Variants in COCH observed in about 807,000 individuals in gnomAD.
The protein encoded by COCH is cochlin, also known as coagulation factor C homolog, cochlin (Limulus polyphemus).
A neutral mutation model predicts 54.8 loss-of-function variants in COCH; 40 were observed. The observed-to-expected ratio is 0.73, with a 90% CI of 0.57 to 0.95. The LOEUF (loss-of-function observed/expected upper bound fraction) is 0.95, where lower values mean the gene tolerates loss of function less well. Among genes scored for constraint, COCH ranks in the 40% least tolerant of loss-of-function variants. COCH has a pLI of 0.00. For missense variants in COCH, 605 were observed against 675.0 expected, an observed-to-expected ratio of 0.90 and a Z score of 1.15; for synonymous variants, 256 against 237.9, an observed-to-expected ratio of 1.08 and a Z score of -0.70.
At chr14:30,888,267 TGAGA>T (rs1341494996) in intron 11 of COCH, among the ~76,000 whole-genome samples, 1 of 145,988 alleles carries the variant, frequency 6.8e-6, no homozygotes, top group East Asian at 2.0e-4. Flanking sequence ...AACCAGGGAG[TGAGA>T]GTCAGGAAAA....
intron 8 of COCH, among the ~76,000 whole-genome samples, chr14:30,881,227 A>AG (rs1566409805): frequency 6.6e-6 from 1 of 151,850 alleles, no homozygotes; most frequent in Admixed American, 6.6e-5. Context: ...AAAAAAAAAA[A>AG]AAAGAAAAAA....
Position 30,877,155 on chromosome 14 carries a change from C to A in COCH, c.83-417C>A, listed in dbSNP as rs1895389018. Reference sequence around the variant, plus strand: ...ATTAATATTAAATGACTTTTATTTTCTAGTTCAGATATAGTTCCAATTATG... The same window carrying A: ...ATTAATATTAAATGACTTTTATTTTATAGTTCAGATATAGTTCCAATTATG... On this transcript the variant is annotated intron_variant, in intron 3 of 11. Transcript: ENST00000396618. This position sits in a 1 kb window ranked among gnomAD's most constrained non-coding sequence, Gnocchi z 8.6. Among the ~76,000 whole-genome samples, 6 of 152,078 alleles carry A rather than the reference C, an allele frequency of 3.9e-5. No individual in the cohort carries two copies. The South Asian group carries it at 1.2e-3, about 32-fold the overall frequency.
At chr14:30,891,478 G>T (rs1037551570), downstream of COCH, among the ~76,000 whole-genome samples, 1 of 152,160 alleles carries the variant, frequency 6.6e-6, no homozygotes, top group African/African-American at 2.4e-5. Flanking sequence ...AAACAAACTG[G>T]AATTGACTTT....
At chr14:30,889,033 A>G (rs901026043) in intron 11 of COCH, 3 of 153,358 alleles carry the variant, frequency 2.0e-5, no homozygotes, top group Non-Finnish European at 4.4e-5. Flanking sequence ...TTTTCTGATT[A>G]TTAGACAGTT....
At chr14:30,882,423 C>T (rs552821480) in intron 8 of COCH, among the ~76,000 whole-genome samples, 10 of 152,120 alleles carry the variant, frequency 6.6e-5, no homozygotes, top group Admixed American at 2.0e-4. Flanking sequence ...AGCTACCACG[C>T]CTGGCCCCTT....
chr14:30,884,338 T>C, intron 8 of COCH: 1 of 539,620 alleles, frequency 1.9e-6, no homozygotes, highest in Non-Finnish European at 3.3e-6. Context: ...TTACCCAGAA[T>C]ATAATAAATC....
chr14:30,878,774 T>C (rs753404536), intron 4 of COCH, 37 bp from the exon 5 acceptor site: 3 of 1,613,942 alleles, frequency 1.9e-6, no homozygotes, highest in South Asian at 1.1e-5. Flanking sequence ...CCTGAAAAAG[T>C]GTGGATAGCA....
downstream of COCH, among the ~76,000 whole-genome samples, chr14:30,892,236 G>A (rs1895999643): frequency 1.3e-5 from 2 of 152,078 alleles, no homozygotes. Context: ...TACAACCAAA[G>A]GAGATAGAAC....
At position 30,874,927 on chromosome 14, in the gene COCH, C is replaced by A. The variant is rs1566404645; in HGVS notation, c.-12C>A. ...TCCCTCTCTCCCAGGTGTGAGCAGC[C>A]TATCAGTCACCATGTCCGCAGCCTG... is the stretch of plus-strand genomic sequence containing the variant. On this transcript the variant is annotated 5_prime_UTR_variant, in exon 2 of 12. Transcript: ENST00000396618. 2 of 1,613,596 alleles carry A rather than the reference C, an allele frequency of 1.2e-6. No homozygotes were observed. Among genetic ancestry groups the A allele is most frequent in the Non-Finnish European group, 1.7e-6 (2 of 1,179,834 alleles).
In COCH at chr14:30,877,565, T is replaced by C. The variant is rs1460942573; in HGVS notation, c.83-7T>C. ...AATGCTTACAATATTATCTCCTTTT[T>C]CTTCAGCTCCCATTGCTATCACATG... On this transcript the variant is annotated splice_polypyrimidine_tract_variant and splice_region_variant and intron_variant, in intron 3 of 11. Transcript: ENST00000396618. This position sits in a 1 kb window ranked among gnomAD's most constrained non-coding sequence, Gnocchi z 8.6. 6.2e-7 allele frequency: 1 copy of C among 1,613,974 alleles called. No homozygotes were observed. The highest frequency in any genetic ancestry group is 1.7e-5 in the Admixed American group (1 of 60,014).
Position 30,890,524 on chromosome 14 carries a change from ATAAACATT to A in COCH, c.*738_*745del. ...TTGGTAAAGTATTTACTGACTGCTT[ATAAACATT>A]TAAAGACAAAGACATTTCAAATAAC... On this transcript the variant is annotated 3_prime_UTR_variant, in exon 12 of 12. Transcript: ENST00000396618. The A allele has an allele frequency of 1.1e-6, 1 of 939,414 alleles. No individual in the cohort carries two copies. Among genetic ancestry groups the A allele is most frequent in the Non-Finnish European group, 1.3e-6 (1 of 787,800 alleles). 58.2% of individuals were successfully genotyped at this position (939,414 alleles called of 1,614,324 possible). A position where few individuals can be genotyped will look rare whatever the true frequency, so the allele number is the denominator to read the frequency against.
At position 30,874,958 on chromosome 14, in the gene COCH, C is replaced by T. The variant is rs201427920; in HGVS notation, c.20C>T (p.Pro7Leu). The T allele has an allele frequency of 2.2e-5, 35 of 1,613,502 alleles. No individual in the cohort carries two copies. The East Asian group carries it at 7.6e-4, about 35-fold the overall frequency. MSAAWI[P>L]ALGLGVCLLL... is the part of the protein sequence containing the mutation. ...GTCACCATGTCCGCAGCCTGGATCC[C>T]GGCTCTCGGCCTCGGTGGGTGCGCG... is the stretch of plus-strand genomic sequence containing the variant. Residue 7 changes from proline to leucine, a missense_variant, in exon 2 of 12, where the codon CCG becomes CTG. Physicochemically the swap from Pro to Leu is moderately conservative, Grantham distance 98. Coordinates refer to ENST00000396618, the MANE Select transcript of COCH (RefSeq NM_004086.3).
chr14:30,875,066 G>T lies in COCH; in HGVS notation c.45G>T (p.Leu15=), dbSNP rs375459510. The change falls in exon 3 of 12, where the codon CTG becomes CTT. Residue 15 remains leucine (L), a synonymous_variant. Coordinates refer to ENST00000396618, the MANE Select transcript of COCH (RefSeq NM_004086.3). ...CTTCTCTCTTCGCAGGTGTGTGTCT[G>T]CTGCTGCTGCCGGGGCCCGCGGGCA... The part of the protein sequence containing the change: ...WIPALGLGVC[L]LLLPGPAGSE... 13 of 1,602,548 alleles carry T rather than the reference G, an allele frequency of 8.1e-6. No individual in the cohort carries two copies. Among genetic ancestry groups the T allele is most frequent in the Non-Finnish European group, 1.1e-5 (13 of 1,175,528 alleles).
At chr14:30,891,812 CA>C, downstream of COCH, among the ~76,000 whole-genome samples, 1 of 152,120 alleles carries the variant, frequency 6.6e-6, no homozygotes, top group Non-Finnish European at 1.5e-5. Flanking sequence ...AGCAAGACAG[CA>C]GAAATCAGAA....
rs1342509260 is a variant in COCH at position 30,889,900 on chromosome 14, TTAAG to T, written c.*112_*115del. ...CATACTAGAATCAGATACAAAACTA[TTAAG>T]TATGTCAACAGCCATTTAGGCAAAT... On this transcript the variant is annotated 3_prime_UTR_variant, in exon 12 of 12. Transcript: ENST00000396618. 1.3e-5 allele frequency: 19 copies of T among 1,460,696 alleles called. No individual in the cohort carries two copies. Among genetic ancestry groups the T allele is most frequent in the Non-Finnish European group, 1.5e-5 (17 of 1,107,444 alleles). 90.5% of individuals were successfully genotyped at this position (1,460,696 alleles called of 1,614,324 possible). A position where few individuals can be genotyped will look rare whatever the true frequency, so the allele number is the denominator to read the frequency against.
chr14:30,880,738 C>T lies in COCH; in HGVS notation c.629+4C>T, dbSNP rs1320129067. The T allele has an allele frequency of 1.2e-6, 2 of 1,608,930 alleles. No homozygotes were observed. The highest frequency in any genetic ancestry group is 2.2e-5 in the East Asian group (1 of 44,816). On this transcript the variant is annotated splice_donor_region_variant and intron_variant, in intron 8 of 11. Coordinates refer to ENST00000396618, the MANE Select transcript of COCH (RefSeq NM_004086.3). Reference sequence around the variant, plus strand: ...ATGTGGGCCTTGTTCAAGCCAGGTACCAACCTTGTTAAAATGGGAGATTTA... The same window carrying T: ...ATGTGGGCCTTGTTCAAGCCAGGTATCAACCTTGTTAAAATGGGAGATTTA...
At chr14:30,885,245 G>T (rs2138873649) in intron 9 of COCH, 149 bp from the exon 10 acceptor site, 1 of 931,902 alleles carries the variant, frequency 1.1e-6, no homozygotes, top group East Asian at 2.6e-5. Context: ...TACAGAACTG[G>T]GTTCTATATA....
chr14:30,890,574 T>C lies in COCH; in HGVS notation c.*783T>C. The C allele has an allele frequency of 5.2e-6, 5 of 968,044 alleles. No homozygotes were observed. Among genetic ancestry groups the C allele is most frequent in the Non-Finnish European group, 6.1e-6 (5 of 813,752 alleles). 60.0% of individuals were successfully genotyped at this position (968,044 alleles called of 1,614,324 possible). ...TCAAATAACTGCAGAAAAAATATTGTAGTTTGAATATTTAAGCAATAAAAC... is the reference window on the plus strand; with the variant it reads ...TCAAATAACTGCAGAAAAAATATTGCAGTTTGAATATTTAAGCAATAAAAC... On this transcript the variant is annotated 3_prime_UTR_variant, in exon 12 of 12. Coordinates refer to ENST00000396618, the MANE Select transcript of COCH (RefSeq NM_004086.3).
Position 30,877,449 on chromosome 14 carries a change from A to C in COCH, c.83-123A>C. Reference sequence around the variant, plus strand: ...ATGGTATGGAAGGGTATATAAGTCAATAGTCATAACTAGAAGTGTAGAAAT... The same window carrying C: ...ATGGTATGGAAGGGTATATAAGTCACTAGTCATAACTAGAAGTGTAGAAAT... On this transcript the variant is annotated intron_variant, in intron 3 of 11. Coordinates refer to ENST00000396618, the MANE Select transcript of COCH (RefSeq NM_004086.3). The surrounding 1 kb of genome is among the most constrained non-coding windows in gnomAD (Gnocchi z 8.6). 7.9e-7 allele frequency: 1 copy of C among 1,258,976 alleles called. No individual in the cohort carries two copies. Among genetic ancestry groups the C allele is most frequent in the Non-Finnish European group, 1.1e-6 (1 of 896,386 alleles). 78.0% of individuals were successfully genotyped at this position (1,258,976 alleles called of 1,614,324 possible).
Sources: gnomAD v4.1 joint callset for allele counts (sites outside exome capture counted in the v4.1 genomes callset) on GRCh38, gnomAD v4.1.1 for gene constraint, Gnocchi (gnomAD v3.1) non-coding constraint, MANE v1.5 for transcripts, NCBI Gene and HGNC (gene_info 2026-07-23, HGNC 2026-07-21) for gene names.